NPM1: variants seen among roughly 807,000 people sequenced by gnomAD.
NPM1 encodes nucleophosmin 1, also known as nucleophosmin.
Under a neutral mutation model 44.1 loss-of-function variants are expected in NPM1, and 1 was observed. The ratio of observed to expected loss-of-function variants is 0.02; its 90% CI spans 0.01 to 0.11. The LOEUF (loss-of-function observed/expected upper bound fraction) is 0.11, where lower values mean the gene tolerates loss of function less well. Among genes scored for constraint, NPM1 ranks in the 10% least tolerant of loss-of-function variants. The probability of loss-of-function intolerance (pLI) is 1.00; values close to 1 mark genes in which losing one functional copy is unlikely to be tolerated. For missense variants in NPM1, 197 were observed against 347.8 expected (o/e 0.57, Z 3.45); for synonymous variants, 126 against 111.8 (o/e 1.13, Z -0.80).
chr5:171,387,459 C>T (rs1770272529), upstream of NPM1, among the ~76,000 whole-genome samples: 1 of 152,196 alleles, frequency 6.6e-6, no homozygotes, highest in Non-Finnish European at 1.5e-5. Context: ...CCGGCTAACC[C>T]GCCATATCTT....
chr5:171,389,819 GTAGT>G (rs986653402), intron 1 of NPM1, among the ~76,000 whole-genome samples: 1 of 152,154 alleles, frequency 6.6e-6, no homozygotes, highest in East Asian at 1.9e-4. Context: ...ACCTATCAGC[GTAGT>G]TAGAGATGAA....
chr5:171,387,164 C>T (rs1410206336), upstream of NPM1: 1 of 152,114 alleles, frequency 6.6e-6, no homozygotes, highest in Non-Finnish European at 1.5e-5. Flanking sequence ...CCTTTTGGCC[C>T]CCAAGTTACG....
In NPM1 at chr5:171,400,869, C is replaced by G. The variant is rs759324510; in HGVS notation, c.613C>G (p.Gln205Glu). 1 of 1,610,974 alleles carries G rather than the reference C, an allele frequency of 6.2e-7. No individual in the cohort carries two copies. Among genetic ancestry groups the G allele is most frequent in the South Asian group, 1.1e-5 (1 of 90,880 alleles). The stretch of plus-strand genomic sequence containing the variant: ...ACGAGATACTCCAGCCAAAAATGCA[C>G]AAAAGTCAAATCAGAATGGAAAAGA... ...SIRDTPAKNAQKSNQNGKDSK... is the reference protein window; with the variant it reads ...SIRDTPAKNAEKSNQNGKDSK... Residue 205 changes from glutamine to glutamate, a missense_variant, in exon 8 of 11, where the codon CAA (glutamine) becomes GAA (glutamate). Around this residue, in one of 5 missense-constraint regions of NPM1, gnomAD observed 47 missense variants for 106.5 expected, o/e 0.44. Coordinates refer to ENST00000296930, the MANE Select transcript of NPM1 (RefSeq NM_002520.7).
intron 3 of NPM1, 63 bp from the exon 4 acceptor site, chr5:171,391,643 G>A (rs1377390753): frequency 2.7e-5 from 33 of 1,238,932 alleles, no homozygotes; most frequent in Middle Eastern, 2.0e-4. Flanking sequence ...TTATGTGTTT[G>A]CCTGTAATGT....
intron 7 of NPM1, 51 bp downstream of exon 7, chr5:171,400,261 A>AT (rs762573235): frequency 7.1e-4 from 1,139 of 1,609,026 alleles, no homozygotes; most frequent in Non-Finnish European, 8.7e-4. Flanking sequence ...AGAAATGGTG[A>AT]TTTTTTAGTG....
At chr5:171,400,764 T>TA (rs1771155231) in intron 7 of NPM1, 75 bp from the exon 8 acceptor site, 3 of 991,926 alleles carry the variant, frequency 3.0e-6, no homozygotes, top group Non-Finnish European at 3.2e-6. Context: ...CTGCTTGTCT[T>TA]ACATGGCTTG....
chr5:171,396,360 T>C (rs1417655635), intron 6 of NPM1, among the ~76,000 whole-genome samples: 1 of 152,118 alleles, frequency 6.6e-6, no homozygotes, highest in Non-Finnish European at 1.5e-5. Flanking sequence ...TAAGAAAAAA[T>C]GTTTAAAAAA....
In NPM1 at chr5:171,391,342, T is replaced by C. The variant is rs1561864425; in HGVS notation, c.176T>C (p.Ile59Thr). The change falls in exon 3 of 11, where the codon ATT (isoleucine) becomes ACT (threonine). Residue 59 changes from isoleucine (I) to threonine (T), a missense_variant. This residue lies in a region of NPM1 where 43 missense variants were observed against 109.6 expected (regional missense o/e 0.39). Coordinates refer to ENST00000296930, the MANE Select transcript of NPM1 (RefSeq NM_002520.7). ...LGAGAKDELH[I>T]VEAEAMNYEG... ...GCTGGTGCAAAGGATGAGTTGCACA[T>C]TGTTGAAGCAGAGGCAATGAATTAC... 1.2e-6 allele frequency: 2 copies of C among 1,613,472 alleles called. No homozygotes were observed. The highest frequency in any genetic ancestry group is 1.7e-6 in the Non-Finnish European group (2 of 1,179,848).
At chr5:171,406,234 G>C (rs539386865) in intron 9 of NPM1, among the ~76,000 whole-genome samples, 2 of 151,822 alleles carry the variant, frequency 1.3e-5, no homozygotes, top group Non-Finnish European at 2.9e-5. Context: ...ACTGGAAAAA[G>C]AATTTTAGAA....
chr5:171,402,010 T>G (rs1295061884), intron 8 of NPM1, among the ~76,000 whole-genome samples: 1 of 151,654 alleles, frequency 6.6e-6, no homozygotes, highest in Non-Finnish European at 1.5e-5. Flanking sequence ...GGCATCAGAC[T>G]ACAGTGACTT....
chr5:171,408,864 G>A (rs1283507722), intron 10 of NPM1, among the ~76,000 whole-genome samples: 2 of 152,128 alleles, frequency 1.3e-5, no homozygotes, highest in Non-Finnish European at 2.9e-5. Flanking sequence ...TTCAACTACT[G>A]CCAAGGAAAG....
At chr5:171,388,082 C>T in intron 1 of NPM1, 76 bp downstream of exon 1, 1 of 1,137,052 alleles carries the variant, frequency 8.8e-7, no homozygotes, top group South Asian at 1.3e-5. Context: ...GGGCGGGAAT[C>T]CGGCTGCAAC....
intron 4 of NPM1, 25 bp from the exon 5 acceptor site, chr5:171,392,685 T>G: frequency 6.6e-7 from 1 of 1,512,660 alleles, no homozygotes; most frequent in Non-Finnish European, 9.1e-7. Context: ...TTGAGTTTTA[T>G]AATGTCTAAT....
rs145298666 is a variant in NPM1, at chr5:171,392,895, G to A, written c.460-19G>A. 46 of 1,611,738 alleles carry A rather than the reference G, an allele frequency of 2.9e-5. No individual in the cohort carries two copies. The highest frequency in any genetic ancestry group is 1.6e-4 in the Middle Eastern group (1 of 6,082). On this transcript the variant is annotated intron_variant, in intron 5 of 10. Transcript: ENST00000296930. ...TAGAACAGCTCTTGTTCATGAGTAC[G>A]TATCTTTTCTTTTAAAAGAAAAAAG...
chr5:171,388,078 G>GTTGGGGGGGGGC, intron 1 of NPM1, 72 bp downstream of exon 1: 1 of 616,750 alleles, frequency 1.6e-6, no homozygotes, highest in Non-Finnish European at 3.0e-6. Context: ...TGAGGGGCGG[G>GTTGGGGGGGGGC]AATCCGGCTG....
intron 1 of NPM1, 56 bp downstream of exon 1, chr5:171,388,062 T>TGGGGGTGTGGGGGGGGTGGGGGG: frequency 1.9e-6 from 1 of 531,424 alleles, no homozygotes; most frequent in Non-Finnish European, 3.6e-6. Context: ...GCGGTGAGGG[T>TGGGGGTGTGGGGGGGGTGGGGGG]GGGGGTGAGG....
At chr5:171,388,209 G>T (rs1442824883) in intron 1 of NPM1, among the ~76,000 whole-genome samples, 2 of 152,136 alleles carry the variant, frequency 1.3e-5, no homozygotes, top group Admixed American at 6.5e-5. Flanking sequence ...TGAAGGGGGA[G>T]GAGACGAGCG....
At chr5:171,409,348 C>T (rs1292562967) in intron 10 of NPM1, among the ~76,000 whole-genome samples, 8 of 152,004 alleles carry the variant, frequency 5.3e-5, no homozygotes, top group African/African-American at 1.7e-4. Context: ...GCCTATAATC[C>T]CAGCACTTTG....
At chr5:171,398,954 G>GTTCCTCCTGC (rs1771051388) in intron 6 of NPM1, among the ~76,000 whole-genome samples, 1 of 151,210 alleles carries the variant, frequency 6.6e-6, no homozygotes, top group African/African-American at 2.4e-5. Flanking sequence ...CCGCCTCCTG[G>GTTCCTCCTGC]TTCCTCCTGC....
Sources: gnomAD v4.1 joint callset for allele counts (sites outside exome capture counted in the v4.1 genomes callset) on GRCh38, gnomAD v4.1.1 for gene constraint, gnomAD v4.1.1 regional missense constraint, MANE v1.5 for transcripts, NCBI Gene and HGNC (gene_info 2026-07-23, HGNC 2026-07-21) for gene names.